DZIP1: variants seen among roughly 807,000 people sequenced by gnomAD.
The protein encoded by DZIP1 is cilium assembly protein DZIP1.
DZIP1 carries 97 observed loss-of-function variants against 107.6 expected under a neutral mutation model. The ratio of observed to expected loss-of-function variants is 0.90; its 90% confidence interval spans 0.77 to 1.07. DZIP1 has a LOEUF of 1.07. Ranked by LOEUF, DZIP1 falls within the 50% of genes least tolerant of loss-of-function variation. The probability of loss-of-function intolerance (pLI) is 0.00; values close to 1 mark genes in which losing one functional copy is unlikely to be tolerated. For missense variants in DZIP1, 1,035 were observed against 1,063.6 expected (o/e 0.97, Z 0.37); for synonymous variants, 390 against 386.4 (o/e 1.01, Z -0.11).
intron 8 of DZIP1, among the ~76,000 whole-genome samples, chr13:95,624,070 G>T (rs556969711): frequency 6.6e-6 from 1 of 152,272 alleles, no homozygotes; most frequent in South Asian, 2.1e-4. Context: ...TTTTAGGAAA[G>T]CCCTCAGGTG....
At chr13:95,627,866 A>C (rs1163096225) in intron 7 of DZIP1, among the ~76,000 whole-genome samples, 1 of 152,178 alleles carries the variant, frequency 6.6e-6, no homozygotes, top group Non-Finnish European at 1.5e-5. Flanking sequence ...CATTAGAGCC[A>C]AAAGGTGAAA....
intron 8 of DZIP1, among the ~76,000 whole-genome samples, chr13:95,624,126 A>T (rs913427332): frequency 5.9e-5 from 9 of 152,150 alleles, no homozygotes; most frequent in African/African-American, 2.2e-4. Flanking sequence ...GTTGGCCCCT[A>T]GAGGGAGCTC....
intron 10 of DZIP1, among the ~76,000 whole-genome samples, chr13:95,619,320 T>C (rs898828125): frequency 1.3e-5 from 2 of 152,204 alleles, no homozygotes; most frequent in African/African-American, 4.8e-5. Flanking sequence ...ACAAGAAAAC[T>C]GAAGCAGTGG....
intron 18 of DZIP1, 27 bp from the exon 19 acceptor site, chr13:95,589,234 T>C: frequency 6.7e-7 from 1 of 1,500,630 alleles, no homozygotes; most frequent in Non-Finnish European, 9.2e-7. Context: ...AAAATATTTT[T>C]AAATTGCATA....
Position 95,587,619 on chromosome 13 carries a change from C to T in DZIP1, c.2138G>A (p.Gly713Glu). Reference sequence around the variant, plus strand: ...CGCGTCACTTTTCACTGTGTTCTTCCCGAAGCTGCCCTTGTTTTGTGGTGG... The same window carrying T: ...CGCGTCACTTTTCACTGTGTTCTTCTCGAAGCTGCCCTTGTTTTGTGGTGG... ...VPPPQNKGSF[G>E]KNTVKSDADG... The change falls in exon 20 of 23, where the codon GGG (glycine) becomes GAG (glutamate). Residue 713 changes from glycine (G) to glutamate (E), a missense_variant. By Grantham distance (98) the Gly-to-Glu change is moderately conservative. Coordinates refer to ENST00000376829, the MANE Select transcript of DZIP1 (RefSeq NM_198968.4). 1 of 1,614,092 alleles carries T rather than the reference C, an allele frequency of 6.2e-7. No individual in the cohort carries two copies. The highest frequency in any genetic ancestry group is 1.3e-5 in the African/African-American group (1 of 74,988).
chr13:95,630,072 T>C lies in DZIP1; in HGVS notation c.727A>G (p.Ile243Val). The C allele has an allele frequency of 1.2e-6, 2 of 1,613,850 alleles. No homozygotes were observed. The highest frequency in any genetic ancestry group is 1.7e-6 in the Non-Finnish European group (2 of 1,179,856). The change falls in exon 7 of 23, where the codon ATC (isoleucine) becomes GTC (valine). Residue 243 changes from isoleucine to valine, a missense_variant. Transcript: ENST00000376829. ...TGCAGCTCTTCCTTCAATACGACGA[T>C]CTCACTCCGGAGCTTCTCAATCTGT... Reference protein sequence around the residue: ...NAQIEKLRSEIVVLKEELQLT... With the variant: ...NAQIEKLRSEVVVLKEELQLT...
Position 95,641,445 on chromosome 13 carries a change from C to CA in DZIP1, c.446dup (p.Arg150AlafsTer55). The CA allele has an allele frequency of 6.2e-7, 1 of 1,614,174 alleles. No individual in the cohort carries two copies. The highest frequency in any genetic ancestry group is 8.5e-7 in the Non-Finnish European group (1 of 1,180,034). ...GCTCGCCGTCGCAGTGGCTCAGGCG[C>CA]AGCCGCTCCTCCAGGGTGTGCAGCT... On this transcript the variant is annotated frameshift_variant, in exon 5 of 23. Transcript: ENST00000376829. LOFTEE classifies it high-confidence loss of function. This position sits in a 1 kb window ranked among gnomAD's most constrained non-coding sequence, Gnocchi z 4.3.
chr13:95,609,496 G>T lies in DZIP1; in HGVS notation c.1381C>A (p.Gln461Lys), dbSNP rs765928485. ...GCAGCTGGCTGAGATTCAAAAGCCTGCCAGGCTAAAGGATTTCCTGAAATG... is the reference window on the plus strand; with the variant it reads ...GCAGCTGGCTGAGATTCAAAAGCCTTCCAGGCTAAAGGATTTCCTGAAATG... The part of the protein sequence containing the change: ...SEPKGNPLAW[Q>K]AFESQPAAPA... The change falls in exon 13 of 23, where the codon CAG becomes AAG. Residue 461 changes from glutamine to lysine, a missense_variant. Transcript: ENST00000376829. 1.9e-6 allele frequency: 3 copies of T among 1,586,980 alleles called. 1 individual carries two copies. The highest frequency in any genetic ancestry group is 2.3e-5 in the South Asian group (2 of 85,946).
chr13:95,630,070 G>T lies in DZIP1; in HGVS notation c.729C>A (p.Ile243=). The change falls in exon 7 of 23, where the codon ATC becomes ATA. Residue 243 remains isoleucine (I), a synonymous_variant. Transcript: ENST00000376829. ...NAQIEKLRSE[I]VVLKEELQLT... is the part of the protein sequence containing the mutation. ...GCTGCAGCTCTTCCTTCAATACGAC[G>T]ATCTCACTCCGGAGCTTCTCAATCT... 1 of 1,613,720 alleles carries T rather than the reference G, an allele frequency of 6.2e-7. No homozygotes were observed. The highest frequency in any genetic ancestry group is 1.1e-5 in the South Asian group (1 of 91,040).
At chr13:95,621,665 AGTGTGTGTGTGTGTGTGTGTGT>A (rs3051402) in intron 9 of DZIP1, among the ~76,000 whole-genome samples, 99 of 123,418 alleles carry the variant, frequency 8.0e-4, no homozygotes, top group African/African-American at 2.4e-3. Flanking sequence ...ACCAGTTAGC[AGTGTGTGTGTGTGTGTGTGTGT>A]GTGTGTGTGT....
At chr13:95,589,418 TC>T (rs1052985282) in intron 18 of DZIP1, among the ~76,000 whole-genome samples, 1 of 152,106 alleles carries the variant, frequency 6.6e-6, no homozygotes, top group Non-Finnish European at 1.5e-5. Context: ...AATGTCTGTG[TC>T]CCCTCTGCCC....
chr13:95,593,874 A>G (rs1442129398), intron 16 of DZIP1, 70 bp downstream of exon 16: 9 of 1,530,430 alleles, frequency 5.9e-6, no homozygotes, highest in African/African-American at 1.4e-5. Flanking sequence ...CTTCTCTTCC[A>G]TGATCATTTC....
intron 15 of DZIP1, among the ~76,000 whole-genome samples, chr13:95,595,501 G>C (rs914728901): frequency 3.3e-5 from 5 of 152,022 alleles, no homozygotes; most frequent in African/African-American, 1.2e-4. Flanking sequence ...TATATTATCA[G>C]CAATCATGCT....
In DZIP1 at chr13:95,642,127, G is replaced by T; in HGVS notation, c.-98C>A. On this transcript the variant is annotated 5_prime_UTR_variant, in exon 4 of 23. Transcript: ENST00000376829. The stretch of plus-strand genomic sequence containing the variant: ...GGAGAAGGCCGGGTTCCTCGCTTCC[G>T]CGGCGGCGGCGGCCTAAGGTCTGGG... 2 of 1,384,278 alleles carry T rather than the reference G, an allele frequency of 1.4e-6. No homozygotes were observed. The highest frequency in any genetic ancestry group is 9.4e-7 in the Non-Finnish European group (1 of 1,064,010). 85.7% of individuals were successfully genotyped at this position (1,384,278 alleles called of 1,614,324 possible). A position where few individuals can be genotyped will look rare whatever the true frequency, so the allele number is the denominator to read the frequency against.
intron 5 of DZIP1, among the ~76,000 whole-genome samples, chr13:95,640,095 C>T (rs1322234223): frequency 8.6e-5 from 13 of 151,776 alleles, no homozygotes; most frequent in Non-Finnish European, 1.3e-4. Context: ...TGGGTTTAAG[C>T]GATTCTCCTG....
chr13:95,621,129 C>T (rs568481458), intron 9 of DZIP1, among the ~76,000 whole-genome samples: 6 of 150,124 alleles, frequency 4.0e-5, no homozygotes, highest in Admixed American at 6.6e-5. Context: ...TTTCTGAAAG[C>T]GGTACCTGCC....
At chr13:95,611,804 C>T (rs574309869) in intron 11 of DZIP1, among the ~76,000 whole-genome samples, 2 of 152,196 alleles carry the variant, frequency 1.3e-5, no homozygotes, top group Admixed American at 1.3e-4. Flanking sequence ...TCTTACTTAC[C>T]TTCAAATCAA....
intron 7 of DZIP1, among the ~76,000 whole-genome samples, chr13:95,627,488 A>G (rs1434469072): frequency 6.6e-6 from 1 of 152,228 alleles, no homozygotes; most frequent in Admixed American, 6.5e-5. Context: ...TTGAATAGAC[A>G]TTTCTCCAAC....
chr13:95,608,451 T>G (rs887094596), intron 13 of DZIP1, among the ~76,000 whole-genome samples: 12 of 151,788 alleles, frequency 7.9e-5, no homozygotes, highest in Non-Finnish European at 1.2e-4. Flanking sequence ...ACTTGGGTTT[T>G]TTTTTTTTTT....
Sources: gnomAD v4.1 joint callset for allele counts (sites outside exome capture counted in the v4.1 genomes callset) on GRCh38, gnomAD v4.1.1 for gene constraint, Gnocchi (gnomAD v3.1) non-coding constraint, MANE v1.5 for transcripts, NCBI Gene and HGNC (gene_info 2026-07-23, HGNC 2026-07-21) for gene names.